The following MCF2L2 variants were observed in gnomAD, a reference collection of about 807,000 sequenced individuals.
MCF2L2 encodes MCF.2 cell line derived transforming sequence-like 2.
In MCF2L2, 102 loss-of-function variants were observed where a neutral mutation model predicts 150.2. That is an observed-to-expected ratio of 0.68 (90% confidence interval 0.58 to 0.80). The LOEUF (loss-of-function observed/expected upper bound fraction) is 0.80. Ranked by LOEUF, MCF2L2 falls within the 30% of genes least tolerant of loss-of-function variation. The pLI is 0.00. For synonymous variants in MCF2L2, 465 were observed against 491.3 expected (o/e 0.95, Z 0.71); for missense variants, 1,256 against 1,372.8 (o/e 0.91, Z 1.34).
At chr3:183,238,930 G>A in intron 15 of MCF2L2, among the ~76,000 whole-genome samples, 1 of 146,888 alleles carries the variant, frequency 6.8e-6, no homozygotes, top group East Asian at 2.1e-4. Context: ...CCCGGAGGTG[G>A]AGCTTGCAGC....
intron 1 of MCF2L2, among the ~76,000 whole-genome samples, chr3:183,394,261 C>T (rs971226494): frequency 6.6e-6 from 1 of 152,176 alleles, no homozygotes; most frequent in African/African-American, 2.4e-5. Flanking sequence ...TGTAACAAGA[C>T]CCTAACTGTT....
At chr3:183,244,962 G>A (rs1576954319) in intron 15 of MCF2L2, among the ~76,000 whole-genome samples, 1 of 152,048 alleles carries the variant, frequency 6.6e-6, no homozygotes, top group South Asian at 2.1e-4. Context: ...AGGGTTTCAA[G>A]AAACTGGGGT....
chr3:183,347,665 G>T (rs2108548444), intron 3 of MCF2L2, among the ~76,000 whole-genome samples: 3 of 151,994 alleles, frequency 2.0e-5, no homozygotes, highest in East Asian at 3.9e-4. Flanking sequence ...TCTGACAAAG[G>T]GCTAATATCC....
At chr3:183,228,412 T>A (rs1435329776) in intron 17 of MCF2L2, 46 bp from the exon 18 acceptor site, 1 of 1,341,772 alleles carries the variant, frequency 7.5e-7, no homozygotes, top group East Asian at 2.3e-5. Context: ...GATTTTGACA[T>A]GTAGGTAATT....
At position 183,267,775 on chromosome 3, in the gene MCF2L2, G is replaced by A. The variant is rs1417966339; in HGVS notation, c.1862+9097C>T. Among the ~76,000 whole-genome samples, 3 of 152,208 alleles carry A rather than the reference G, an allele frequency of 2.0e-5. No individual in the cohort carries two copies. In the East Asian group the frequency reaches 5.8e-4, roughly 29 times the overall value. ...CGTCCCAGTGGTGGAGGAAAAGAGA[G>A]GACCTGGTGTAAGCAGCCATGGCAT... On this transcript the variant is annotated intron_variant, in intron 15 of 29. Transcript: ENST00000328913. This position sits in a 1 kb window ranked among gnomAD's most constrained non-coding sequence, Gnocchi z 5.5.
intron 1 of MCF2L2, among the ~76,000 whole-genome samples, chr3:183,399,693 G>A (rs1714640150): frequency 6.6e-6 from 1 of 152,114 alleles, no homozygotes; most frequent in African/African-American, 2.4e-5. Flanking sequence ...TTTTCTTCAG[G>A]AATATGAATT....
chr3:183,278,830 C>T (rs894383354), intron 14 of MCF2L2, among the ~76,000 whole-genome samples: 1 of 151,840 alleles, frequency 6.6e-6, no homozygotes, highest in Non-Finnish European at 1.5e-5. Flanking sequence ...TCATCTTTTA[C>T]ACTGAATGAT....
intron 7 of MCF2L2, among the ~76,000 whole-genome samples, chr3:183,317,225 A>C (rs765136878): frequency 1.3e-5 from 2 of 152,148 alleles, no homozygotes; most frequent in Non-Finnish European, 2.9e-5. Context: ...CATTTTTGCA[A>C]ATTTTTGGTC....
At chr3:183,420,957 G>A (rs1305601054) in intron 1 of MCF2L2, among the ~76,000 whole-genome samples, 2 of 152,172 alleles carry the variant, frequency 1.3e-5, no homozygotes, top group Non-Finnish European at 2.9e-5. Flanking sequence ...ATATCAGACA[G>A]TTTTGCTGAA....
In MCF2L2 at chr3:183,270,060, G is replaced by A. The variant is rs764711401; in HGVS notation, c.1862+6812C>T. On this transcript the variant is annotated intron_variant, in intron 15 of 29. Coordinates refer to ENST00000328913, the MANE Select transcript of MCF2L2 (RefSeq NM_015078.4). The surrounding 1 kb of genome is among the most constrained non-coding windows in gnomAD (Gnocchi z 4.5). ...CAAGGAAAAGTGTCAAGCTCAAGACGTCCTCCTTTTACTGTTTGTAAAAAC... is the reference window on the plus strand; with the variant it reads ...CAAGGAAAAGTGTCAAGCTCAAGACATCCTCCTTTTACTGTTTGTAAAAAC... The A allele has an allele frequency of 1.5e-5, 24 of 1,613,984 alleles. No homozygotes were observed. Among genetic ancestry groups the A allele is most frequent in the Middle Eastern group, 1.6e-4 (1 of 6,084 alleles).
intron 15 of MCF2L2, among the ~76,000 whole-genome samples, chr3:183,247,153 G>A (rs866088868): frequency 5.3e-5 from 8 of 152,178 alleles, no homozygotes; most frequent in African/African-American, 1.2e-4. Flanking sequence ...TCAGGGCTCC[G>A]AGCACTAAGT....
intron 3 of MCF2L2, chr3:183,374,049 C>T (rs563706980): frequency 6.5e-6 from 1 of 152,824 alleles, no homozygotes; most frequent in East Asian, 1.9e-4. Context: ...CGTTTTGCAC[C>T]TGTCTCAGTG....
At chr3:183,203,545 GAGAA>G in intron 25 of MCF2L2, among the ~76,000 whole-genome samples, 1 of 152,304 alleles carries the variant, frequency 6.6e-6, no homozygotes, top group South Asian at 2.1e-4. Flanking sequence ...GTCTGAGGAA[GAGAA>G]AGAAAGAGGA....
intron 3 of MCF2L2, among the ~76,000 whole-genome samples, chr3:183,347,911 G>C (rs1014539019): frequency 2.0e-5 from 3 of 152,186 alleles, no homozygotes; most frequent in Non-Finnish European, 2.9e-5. Flanking sequence ...ACAGATGCTA[G>C]AGAGGATGTG....
chr3:183,180,452 T>G (rs1721482011), intron 27 of MCF2L2: 1 of 384,602 alleles, frequency 2.6e-6, no homozygotes, highest in African/African-American at 2.0e-5. Context: ...TTTGCCAGTC[T>G]TCTAACCACG....
intron 3 of MCF2L2, among the ~76,000 whole-genome samples, chr3:183,349,323 T>G (rs1475831431): frequency 2.0e-5 from 3 of 152,224 alleles, no homozygotes; most frequent in African/African-American, 7.2e-5. Flanking sequence ...ATATAAGTAT[T>G]TCAAGTTACA....
In MCF2L2 at chr3:183,207,656, A is replaced by G; in HGVS notation, c.2664T>C (p.Pro888=). 6.2e-7 allele frequency: 1 copy of G among 1,614,238 alleles called. No individual in the cohort carries two copies. Among genetic ancestry groups the G allele is most frequent in the Non-Finnish European group, 8.5e-7 (1 of 1,180,034 alleles). Reference sequence around the variant, plus strand: ...AATGAGGAGATAATCCCTGGTCCCCAGGCTCCATTCGTATCTTACAGAACA... The same window carrying G: ...AATGAGGAGATAATCCCTGGTCCCCGGGCTCCATTCGTATCTTACAGAACA... ...GIVFCKIRME[P]GDQGLSPHYS... Residue 888 remains proline (P), a synonymous_variant, in exon 23 of 30, where the codon CCT becomes CCC. Transcript: ENST00000328913.
intron 15 of MCF2L2, among the ~76,000 whole-genome samples, chr3:183,275,337 A>G (rs1727102024): frequency 6.6e-6 from 1 of 152,206 alleles, no homozygotes. Context: ...CAAAACTCAA[A>G]TCTATAAAAT....
chr3:183,216,843 G>T (rs1173887875), intron 21 of MCF2L2, among the ~76,000 whole-genome samples: 4 of 150,874 alleles, frequency 2.7e-5, no homozygotes, highest in African/African-American at 9.7e-5. Context: ...AACCTCAGGT[G>T]ATCCACCCAC....
Sources: gnomAD v4.1 joint callset for allele counts (sites outside exome capture counted in the v4.1 genomes callset) on GRCh38, gnomAD v4.1.1 for gene constraint, Gnocchi (gnomAD v3.1) non-coding constraint, MANE v1.5 for transcripts, NCBI Gene and HGNC (gene_info 2026-07-23, HGNC 2026-07-21) for gene names.